The following UBR4 variants were observed in gnomAD, a reference collection of about 807,000 sequenced individuals.
UBR4 encodes E3 ubiquitin-protein ligase UBR4.
A neutral mutation model predicts 575.6 loss-of-function variants in UBR4; 124 were observed. The observed-to-expected ratio is 0.22, with a 90% CI of 0.19 to 0.25. The LOEUF (loss-of-function observed/expected upper bound fraction) is 0.25. UBR4 is among the 10% of genes least tolerant of loss of function. UBR4 has a pLI of 1.00. For missense variants in UBR4, 4,818 were observed against 6,478.8 expected (o/e 0.74, Z 8.80); for synonymous variants, 2,455 against 2,473.7 (o/e 0.99, Z 0.22).
chr1:19,150,351 G>A (rs1204581546), intron 49 of UBR4, among the ~76,000 whole-genome samples: 4 of 152,192 alleles, frequency 2.6e-5, no homozygotes, highest in Non-Finnish European at 2.9e-5. Context: ...AGAAGGGACA[G>A]AACTTCTGTC....
At chr1:19,155,367 C>T in intron 43 of UBR4, 74 bp downstream of exon 43, 1 of 1,425,144 alleles carries the variant, frequency 7.0e-7, no homozygotes, top group African/African-American at 1.4e-5. Flanking sequence ...TATAAAAGAA[C>T]AAAGAAAAAA....
intron 49 of UBR4, among the ~76,000 whole-genome samples, 155 bp from the exon 50 acceptor site, chr1:19,148,781 T>C (rs1557789804): frequency 6.6e-6 from 1 of 152,348 alleles, no homozygotes. Flanking sequence ...GCACCATGCA[T>C]ATCGTTTCCT....
At chr1:19,158,131 T>A in intron 39 of UBR4, 134 bp from the exon 40 acceptor site, 1 of 815,346 alleles carries the variant, frequency 1.2e-6, no homozygotes, top group Non-Finnish European at 1.9e-6. Context: ...CTCCAAACCG[T>A]GGATGGCTGT....
intron 91 of UBR4, 114 bp from the exon 92 acceptor site, chr1:19,096,764 T>C (rs1314679610): frequency 4.5e-5 from 65 of 1,451,124 alleles, no homozygotes; most frequent in Non-Finnish European, 5.5e-5. Flanking sequence ...CTTTTCCGTA[T>C]CTCCAATAAA....
chr1:19,116,754 T>G (rs2080584744), intron 73 of UBR4, among the ~76,000 whole-genome samples: 1 of 152,194 alleles, frequency 6.6e-6, no homozygotes, highest in Non-Finnish European at 1.5e-5. Flanking sequence ...TATCAGCAGA[T>G]ACAGAGAAAA....
chr1:19,164,714 C>T (rs2088007708), intron 32 of UBR4, 85 bp downstream of exon 32: 1 of 1,508,700 alleles, frequency 6.6e-7, no homozygotes, highest in South Asian at 1.2e-5. Flanking sequence ...AATGCTAAGA[C>T]TGGTGCCCGA....
Position 19,198,068 on chromosome 1 carries a change from C to G in UBR4, c.649-19G>C. The G allele has an allele frequency of 6.2e-7, 1 of 1,609,802 alleles. No homozygotes were observed. Among genetic ancestry groups the G allele is most frequent in the Non-Finnish European group, 8.5e-7 (1 of 1,177,520 alleles). On this transcript the variant is annotated intron_variant, in intron 5 of 105. Transcript: ENST00000375254. Reference sequence around the variant, plus strand: ...CTTCCACCTGAAAAGAAACATAAGGCCTGTCAAGATACTATTATCTCTTCA... The same window carrying G: ...CTTCCACCTGAAAAGAAACATAAGGGCTGTCAAGATACTATTATCTCTTCA...
chr1:19,144,038 G>A lies in UBR4; in HGVS notation c.8121C>T (p.Pro2707=). 6.2e-7 allele frequency: 1 copy of A among 1,614,036 alleles called. No homozygotes were observed. Among genetic ancestry groups the A allele is most frequent in the Non-Finnish European group, 8.5e-7 (1 of 1,179,942 alleles). Residue 2707 remains proline, a synonymous_variant, in exon 55 of 106, where the codon CCC becomes CCT. Transcript: ENST00000375254. The stretch of plus-strand genomic sequence containing the variant: ...AAGTCACATGTCTCCGTTTGTTCCT[G>A]GGCCTTAGGACTCGAATTAGAGCTT... The part of the protein sequence containing the change: ...CKQALIRVLR[P]RNKRRHVTLP...
intron 1 of UBR4, among the ~76,000 whole-genome samples, chr1:19,202,801 G>A (rs1290542048): frequency 1.3e-5 from 2 of 152,170 alleles, no homozygotes; most frequent in Non-Finnish European, 2.9e-5. Flanking sequence ...CGGGCACGGT[G>A]GCTGGCCGGG....
chr1:19,139,129 C>G lies in UBR4; in HGVS notation c.8685G>C (p.Ser2895=). ...AGTCCACTGCACTGCCCCCGCTCTC[C>G]GAGCCCACACTACCACCGTGGTCAG... ...SPADHGGSVG[S]ESGGSAVDSV... is the part of the protein sequence containing the mutation. The change falls in exon 59 of 106, where the codon TCG becomes TCC. Residue 2895 remains serine (S), a synonymous_variant. Coordinates refer to ENST00000375254, the MANE Select transcript of UBR4 (RefSeq NM_020765.3). The surrounding 1 kb of genome is among the most constrained non-coding windows in gnomAD (Gnocchi z 4.2). The G allele has an allele frequency of 1.9e-6, 3 of 1,613,918 alleles. No homozygotes were observed. The highest frequency in any genetic ancestry group is 2.5e-6 in the Non-Finnish European group (3 of 1,179,902).
chr1:19,157,423 G>C lies in UBR4; in HGVS notation c.5760+392C>G, dbSNP rs928049652. ...GTGCTTAACAGAGCTGGGATGGCACGGCAGCACTACATAAGCAACACTGAG... is the reference window on the plus strand; with the variant it reads ...GTGCTTAACAGAGCTGGGATGGCACCGCAGCACTACATAAGCAACACTGAG... On this transcript the variant is annotated intron_variant, in intron 40 of 105. Transcript: ENST00000375254. This position sits in a 1 kb window ranked among gnomAD's most constrained non-coding sequence, Gnocchi z 4.4. 6.6e-6 allele frequency among the ~76,000 whole-genome samples: 1 copy of C among 152,156 alleles called. No homozygotes were observed. The highest frequency in any genetic ancestry group is 1.5e-5 in the Non-Finnish European group (1 of 68,020).
chr1:19,208,555 T>TA (rs1193060795), intron 1 of UBR4, among the ~76,000 whole-genome samples: 1 of 149,550 alleles, frequency 6.7e-6, no homozygotes, highest in African/African-American at 2.5e-5. Context: ...TTCTAAGCCA[T>TA]AAAGAGAGAT....
At chr1:19,145,344 T>C (rs906016472) in intron 53 of UBR4, among the ~76,000 whole-genome samples, 2 of 152,238 alleles carry the variant, frequency 1.3e-5, no homozygotes, top group African/African-American at 4.8e-5. Context: ...TACTTTTCTA[T>C]ATTGCTATTC....
rs1486948611 is a variant in UBR4 at position 19,156,402 on chromosome 1, T to C, written c.5941A>G (p.Ser1981Gly). 1.2e-6 allele frequency: 2 copies of C among 1,613,994 alleles called. No homozygotes were observed. Among genetic ancestry groups the C allele is most frequent in the Admixed American group, 3.3e-5 (2 of 60,002 alleles). ...GLKDCHVLTF[S>G]SSGSVSDHLV... ...TGATCCGAAACAGAGCCTGAGCTACTAAAGGTGAGCACATGACAGTCCTGG... is the reference window on the plus strand; with the variant it reads ...TGATCCGAAACAGAGCCTGAGCTACCAAAGGTGAGCACATGACAGTCCTGG... Residue 1981 changes from serine (S) to glycine (G), a missense_variant, in exon 42 of 106, where the codon AGT becomes GGT. Coordinates refer to ENST00000375254, the MANE Select transcript of UBR4 (RefSeq NM_020765.3).
At chr1:19,114,407 T>C (rs1047934262) in intron 75 of UBR4, among the ~76,000 whole-genome samples, 1 of 152,198 alleles carries the variant, frequency 6.6e-6, no homozygotes, top group African/African-American at 2.4e-5. Flanking sequence ...TGCCCCTTTT[T>C]CACTGTTCTT....
intron 99 of UBR4, among the ~76,000 whole-genome samples, chr1:19,087,460 C>T (rs2148726445): frequency 6.6e-6 from 1 of 152,360 alleles, no homozygotes; most frequent in East Asian, 1.9e-4. Context: ...GAAGCCTAGG[C>T]TGGAATTCTG....
Position 19,118,750 on chromosome 1 carries a change from T to C in UBR4, c.10541+122A>G, listed in dbSNP as rs1158895388. On this transcript the variant is annotated intron_variant, in intron 71 of 105. Coordinates refer to ENST00000375254, the MANE Select transcript of UBR4 (RefSeq NM_020765.3). Reference sequence around the variant, plus strand: ...ACATGGAGGGGATTGGAATCTCAACTAGGCAGATTCGCTCTTCTCTCAGGC... The same window carrying C: ...ACATGGAGGGGATTGGAATCTCAACCAGGCAGATTCGCTCTTCTCTCAGGC... The C allele has an allele frequency of 7.5e-6, 7 of 930,598 alleles. No homozygotes were observed. The Admixed American group carries it at 1.1e-4, about 15-fold the overall frequency. 57.6% of individuals were successfully genotyped at this position (930,598 alleles called of 1,614,324 possible).
At chr1:19,161,444 A>C (rs2087356157) in intron 37 of UBR4, 145 bp downstream of exon 37, 1 of 1,192,606 alleles carries the variant, frequency 8.4e-7, no homozygotes, top group Non-Finnish European at 1.2e-6. Flanking sequence ...TCCTTAGGCC[A>C]CAACTGTGCA....
chr1:19,127,865 A>G, intron 62 of UBR4, 126 bp from the exon 63 acceptor site: 2 of 759,852 alleles, frequency 2.6e-6, no homozygotes, highest in Non-Finnish European at 2.2e-6. Context: ...CAGACACAAA[A>G]CAACCCCCAG....
Sources: gnomAD v4.1 joint callset for allele counts (sites outside exome capture counted in the v4.1 genomes callset) on GRCh38, gnomAD v4.1.1 for gene constraint, Gnocchi (gnomAD v3.1) non-coding constraint, MANE v1.5 for transcripts, NCBI Gene and HGNC (gene_info 2026-07-23, HGNC 2026-07-21) for gene names.